The following CNGB3 variants were observed in gnomAD, a reference collection of about 807,000 sequenced individuals.
CNGB3 encodes cyclic nucleotide-gated channel beta-3.
CNGB3 carries 86 observed loss-of-function variants against 92.8 expected under a neutral mutation model. The observed-to-expected ratio is 0.93, with a 90% CI of 0.78 to 1.11. CNGB3 has a LOEUF of 1.11. Ranked by LOEUF, CNGB3 falls within the 50% of genes least tolerant of loss-of-function variation. The pLI is 0.00. For missense variants in CNGB3, 1,026 were observed against 956.8 expected, an observed-to-expected ratio of 1.07 and a Z score of -0.95; for synonymous variants, 333 against 332.7, an observed-to-expected ratio of 1.00 and a Z score of -0.01.
At chr8:86,596,611 C>T (rs1248731118) in intron 15 of CNGB3, among the ~76,000 whole-genome samples, 1 of 152,116 alleles carries the variant, frequency 6.6e-6, no homozygotes, top group Non-Finnish European at 1.5e-5. Flanking sequence ...CAGCCACTGC[C>T]CTAAGGGCTG....
At chr8:86,729,739 G>A (rs1177321521) in intron 2 of CNGB3, among the ~76,000 whole-genome samples, 1 of 152,196 alleles carries the variant, frequency 6.6e-6, no homozygotes, top group Non-Finnish European at 1.5e-5. Flanking sequence ...GAAACAGATG[G>A]TCAGAGTGTT....
In CNGB3 at chr8:86,658,670, C is replaced by T. The variant is rs138965877; in HGVS notation, c.853-4608G>A. The T allele has an allele frequency of 2.1e-3, 753 of 364,058 alleles. 6 individuals carry two copies. The highest frequency in any genetic ancestry group is 0.015 in the African/African-American group (717 of 48,144). The allele number at this position is 364,058 out of a possible 1,614,324, so 22.6% of individuals were successfully genotyped here. A position where few individuals can be genotyped will look rare whatever the true frequency, so the allele number is the denominator to read the frequency against. ...GGCTCTTCAGCTCTACCATCTCCTT[C>T]AGCTCACCCAGCTTCTCGCTCGGCT... On this transcript the variant is annotated intron_variant, in intron 6 of 17. Transcript: ENST00000320005.
chr8:86,684,091 T>G (rs1824135590), intron 3 of CNGB3, among the ~76,000 whole-genome samples: 1 of 152,140 alleles, frequency 6.6e-6, no homozygotes, highest in East Asian at 1.9e-4. Flanking sequence ...ATTCACAGAC[T>G]ACCTATCTGA....
At chr8:86,645,018 T>A (rs1215599192) in intron 8 of CNGB3, among the ~76,000 whole-genome samples, 1 of 151,254 alleles carries the variant, frequency 6.6e-6, no homozygotes, top group East Asian at 1.9e-4. Context: ...ACAATTAAAG[T>A]CACACTCTCC....
intron 12 of CNGB3, 102 bp from the exon 13 acceptor site, chr8:86,626,182 C>A (rs1036849217): frequency 3.6e-6 from 3 of 834,796 alleles, no homozygotes; most frequent in Middle Eastern, 2.3e-4. Flanking sequence ...AAACAAAATG[C>A]AAACACTTTT....
In CNGB3 at chr8:86,644,654, T is replaced by C. The variant is rs1293005083; in HGVS notation, c.1023A>G (p.Leu341=). 5.0e-6 allele frequency: 8 copies of C among 1,593,880 alleles called. No individual in the cohort carries two copies. The South Asian group carries it at 6.7e-5, about 13-fold the overall frequency. The part of the protein sequence containing the change: ...YTSFFEFNHH[L]ESIMDKAYIY... Reference sequence around the variant, plus strand: ...TATATGCTTTGTCCATTATAGACTCTAGGTGATGATTAAATTCAAAAAATG... The same window carrying C: ...TATATGCTTTGTCCATTATAGACTCCAGGTGATGATTAAATTCAAAAAATG... The change falls in exon 9 of 18, where the codon CTA becomes CTG. Residue 341 remains leucine, a synonymous_variant. Transcript: ENST00000320005.
At chr8:86,688,985 G>C (rs1048373189) in intron 3 of CNGB3, among the ~76,000 whole-genome samples, 2 of 148,544 alleles carry the variant, frequency 1.3e-5, no homozygotes, top group African/African-American at 4.9e-5. Flanking sequence ...TTGGTATGTT[G>C]TGTTTCTATT....
At chr8:86,600,655 G>C (rs1337672347) in intron 15 of CNGB3, among the ~76,000 whole-genome samples, 2 of 150,616 alleles carry the variant, frequency 1.3e-5, no homozygotes, top group Admixed American at 1.3e-4. Flanking sequence ...TGTCACCCAG[G>C]CTGGAGCGCA....
chr8:86,727,180 A>G (rs560670318), intron 2 of CNGB3, among the ~76,000 whole-genome samples: 1 of 152,196 alleles, frequency 6.6e-6, no homozygotes, highest in Non-Finnish European at 1.5e-5. Context: ...TGACTAAAAT[A>G]TCTTTATGCA....
At chr8:86,598,533 C>T (rs1483871410) in intron 15 of CNGB3, among the ~76,000 whole-genome samples, 1 of 152,188 alleles carries the variant, frequency 6.6e-6, no homozygotes, top group East Asian at 1.9e-4. Context: ...AACTGACCTA[C>T]AACCACAAAA....
chr8:86,707,734 A>T (rs1824676465), intron 3 of CNGB3: 1 of 152,240 alleles, frequency 6.6e-6, no homozygotes, highest in African/African-American at 2.4e-5. Context: ...ATATGAGGGC[A>T]AAGATTGGAA....
At chr8:86,725,576 T>C (rs1316973584) in intron 3 of CNGB3, among the ~76,000 whole-genome samples, 3 of 152,124 alleles carry the variant, frequency 2.0e-5, no homozygotes, top group African/African-American at 7.2e-5. Context: ...TAGAGTGAGC[T>C]TGTGTTTATT....
At chr8:86,685,352 G>T (rs913719716) in intron 3 of CNGB3, among the ~76,000 whole-genome samples, 1 of 151,994 alleles carries the variant, frequency 6.6e-6, no homozygotes, top group African/African-American at 2.4e-5. Flanking sequence ...ACTTGTCTGG[G>T]CCCCTTCCTA....
At chr8:86,658,541 C>T (rs769977773) in intron 6 of CNGB3, 2 of 351,938 alleles carry the variant, frequency 5.7e-6, no homozygotes, top group Non-Finnish European at 1.1e-5. Context: ...GCAGTAACTG[C>T]TTGTGGAGCT....
intron 3 of CNGB3, among the ~76,000 whole-genome samples, chr8:86,675,073 C>T (rs1257244986): frequency 6.6e-6 from 1 of 152,122 alleles, no homozygotes; most frequent in African/African-American, 2.4e-5. Context: ...ATTCTGCTGC[C>T]TCAGCCTCCC....
intron 15 of CNGB3, among the ~76,000 whole-genome samples, chr8:86,581,858 G>A (rs191287024): frequency 6.6e-6 from 1 of 152,240 alleles, no homozygotes; most frequent in East Asian, 1.9e-4. Flanking sequence ...CAGGGAACTA[G>A]AAGGAATTTG....
At chr8:86,636,356 G>A (rs1823071111) in intron 10 of CNGB3, among the ~76,000 whole-genome samples, 1 of 151,926 alleles carries the variant, frequency 6.6e-6, no homozygotes, top group South Asian at 2.1e-4. Context: ...TGGATCACTT[G>A]AGGTTGGGAG....
rs964747168 is a variant in CNGB3, at chr8:86,661,364, G to T, written c.852+5561C>A. On this transcript the variant is annotated intron_variant, in intron 6 of 17. Coordinates refer to ENST00000320005, the MANE Select transcript of CNGB3 (RefSeq NM_019098.5). The stretch of plus-strand genomic sequence containing the variant: ...CAATATTGCTTTGCTTTTGCCAGAA[G>T]ATAAAAATCATGTAAGAGTTAATTC... 20 of 404,242 alleles carry T rather than the reference G, an allele frequency of 4.9e-5. 1 individual carries two copies. Among genetic ancestry groups the T allele is most frequent in the Middle Eastern group, 1.0e-3 (2 of 1,918 alleles). The allele number at this position is 404,242 out of a possible 1,614,324, so 25.0% of individuals were successfully genotyped here.
intron 15 of CNGB3, among the ~76,000 whole-genome samples, chr8:86,598,006 A>AAAATAAAATT (rs1374161168): frequency 1.9e-5 from 2 of 102,602 alleles, no homozygotes; most frequent in African/African-American, 1.2e-4. Flanking sequence ...AAAATAAAAT[A>AAAATAAAATT]AAATTAAAAT....
Sources: allele counts gnomAD v4.1 joint callset (sites outside exome capture counted in the v4.1 genomes callset), GRCh38; gene constraint gnomAD v4.1.1; transcripts MANE v1.5; gene names NCBI Gene and HGNC (gene_info 2026-07-23, HGNC 2026-07-21).